Variants in ANKFN1 observed in about 807,000 individuals in gnomAD.
ANKFN1 encodes the protein ankyrin repeat and fibronectin type-III domain-containing protein 1.
ANKFN1 carries 74 observed loss-of-function variants against 108.7 expected under a neutral mutation model. The ratio of observed to expected loss-of-function variants is 0.68; its 90% confidence interval spans 0.56 to 0.83. ANKFN1 has a LOEUF of 0.83. ANKFN1 is among the 40% of genes least tolerant of loss of function. ANKFN1 has a pLI of 0.00. For missense variants in ANKFN1, 1,505 were observed against 1,382.3 expected, an observed-to-expected ratio of 1.09 and a Z score of -1.41; for synonymous variants, 547 against 516.2, an observed-to-expected ratio of 1.06 and a Z score of -0.81.
At chr17:56,427,635 C>G (rs911180716) in intron 8 of ANKFN1, among the ~76,000 whole-genome samples, 3 of 152,160 alleles carry the variant, frequency 2.0e-5, no homozygotes, top group African/African-American at 7.2e-5. Context: ...GACAGAGGCG[C>G]CAACCAGGAG....
intron 8 of ANKFN1, among the ~76,000 whole-genome samples, chr17:56,403,553 A>T (rs2047826756): frequency 6.6e-6 from 1 of 152,108 alleles, no homozygotes; most frequent in Non-Finnish European, 1.5e-5. Context: ...CTTATGTGTT[A>T]GGTGAGTCTC....
intron 3 of ANKFN1, among the ~76,000 whole-genome samples, chr17:56,250,714 T>G (rs1419410820): frequency 6.6e-6 from 1 of 152,096 alleles, no homozygotes; most frequent in Non-Finnish European, 1.5e-5. Flanking sequence ...AGGTTTCCCT[T>G]CTCAGTACAA....
chr17:56,514,247 A>G lies in ANKFN1; in HGVS notation c.*2978A>G, dbSNP rs1369717183. ...TTGACTGAGGTTCTCCCATATGTCT[A>G]TCTCAATTCTAAGTCCCATTGAGAT... is the stretch of plus-strand genomic sequence containing the variant. On this transcript the variant is annotated 3_prime_UTR_variant, in exon 21 of 21. Transcript: ENST00000682825. Among the ~76,000 whole-genome samples the G allele has an allele frequency of 6.6e-6, 1 of 152,172 alleles. No individual in the cohort carries two copies. Among genetic ancestry groups the G allele is most frequent in the African/African-American group, 2.4e-5 (1 of 41,438 alleles).
chr17:56,347,771 T>A (rs570703334), intron 4 of ANKFN1, among the ~76,000 whole-genome samples: 8 of 151,854 alleles, frequency 5.3e-5, no homozygotes, highest in African/African-American at 1.9e-4. Context: ...GAGAAGGAAG[T>A]CAGAGAGACA....
chr17:56,116,812 T>G (rs972889025), intron 4 of ANKFN1, among the ~76,000 whole-genome samples: 1 of 152,094 alleles, frequency 6.6e-6, no homozygotes, highest in Non-Finnish European at 1.5e-5. Flanking sequence ...AAAGATTGCA[T>G]TAAGTTAAAA....
intron 6 of ANKFN1, among the ~76,000 whole-genome samples, chr17:56,361,476 C>G (rs2046515413): frequency 6.6e-6 from 1 of 151,994 alleles, no homozygotes; most frequent in Admixed American, 6.6e-5. Flanking sequence ...TCAGAGAGCT[C>G]TGGCTTCAAA....
At chr17:56,321,993 A>G (rs990305173) in intron 3 of ANKFN1, among the ~76,000 whole-genome samples, 1 of 152,108 alleles carries the variant, frequency 6.6e-6, no homozygotes, top group African/African-American at 2.4e-5. Context: ...ATGGCCCTCA[A>G]TGTTGCTAGA....
intron 8 of ANKFN1, among the ~76,000 whole-genome samples, chr17:56,396,163 C>T (rs138218793): frequency 6.6e-6 from 1 of 152,202 alleles, no homozygotes; most frequent in African/African-American, 2.4e-5. Context: ...AAGAAGGGGC[C>T]ACGGGCCAGG....
intron 3 of ANKFN1, among the ~76,000 whole-genome samples, chr17:56,321,525 A>G (rs573038444): frequency 3.3e-5 from 5 of 152,160 alleles, no homozygotes; most frequent in Non-Finnish European, 7.3e-5. Context: ...GCCATCAAAA[A>G]GTGATCAATT....
intron 3 of ANKFN1, among the ~76,000 whole-genome samples, chr17:56,285,770 C>T (rs1037034773): frequency 2.0e-5 from 3 of 151,974 alleles, no homozygotes; most frequent in African/African-American, 7.2e-5. Context: ...GAAGAGATTC[C>T]TCTCCCTTTC....
chr17:56,075,953 A>AT (rs1389871138), intron 4 of ANKFN1, among the ~76,000 whole-genome samples: 1 of 152,134 alleles, frequency 6.6e-6, no homozygotes, highest in Non-Finnish European at 1.5e-5. Context: ...GGCTTGACAC[A>AT]TTTTTCAGAA....
At chr17:56,337,743 A>T (rs1440260239) in intron 4 of ANKFN1, among the ~76,000 whole-genome samples, 1 of 152,210 alleles carries the variant, frequency 6.6e-6, no homozygotes, top group Admixed American at 6.5e-5. Flanking sequence ...GCAAATTCAA[A>T]CCACAATGAG....
Position 56,374,651 on chromosome 17 carries a change from T to G in ANKFN1, c.847T>G (p.Ser283Ala), listed in dbSNP as rs2046897921. Residue 283 changes from serine (S) to alanine (A), a missense_variant, in exon 8 of 21, where the codon TCA becomes GCA. Transcript: ENST00000682825. ...CTGTCTCATGGTAACCAGCAGCACA[T>G]CACTCACTGTCAGCTTCCAAGAGCC... ...NVCLMVTSST[S>A]LTVSFQEPLS... The G allele has an allele frequency of 1.2e-6, 2 of 1,613,844 alleles. No individual in the cohort carries two copies. The highest frequency in any genetic ancestry group is 2.7e-5 in the African/African-American group (2 of 74,912).
intron 11 of ANKFN1, among the ~76,000 whole-genome samples, chr17:56,455,477 C>T (rs999986519): frequency 4.6e-5 from 7 of 152,238 alleles, no homozygotes; most frequent in African/African-American, 1.7e-4. Flanking sequence ...CCTATATAAT[C>T]ATAGCCAAAG....
At chr17:56,212,023 G>A (rs1005046350) in intron 1 of ANKFN1, among the ~76,000 whole-genome samples, 1 of 151,502 alleles carries the variant, frequency 6.6e-6, no homozygotes, top group Admixed American at 6.6e-5. Flanking sequence ...GGTTTTCTAG[G>A]TATATGATCA....
At chr17:56,320,859 A>G (rs913703438) in intron 3 of ANKFN1, among the ~76,000 whole-genome samples, 1 of 152,172 alleles carries the variant, frequency 6.6e-6, no homozygotes, top group African/African-American at 2.4e-5. Flanking sequence ...ATCGGATTGC[A>G]CTACGAGGAA....
chr17:56,500,912 A>T (rs1214376244), intron 20 of ANKFN1, among the ~76,000 whole-genome samples: 1 of 152,206 alleles, frequency 6.6e-6, no homozygotes, highest in Non-Finnish European at 1.5e-5. Flanking sequence ...GTGAAAACAT[A>T]AACAAACAAG....
chr17:56,159,165 G>A (rs1909405381), intron 1 of ANKFN1, among the ~76,000 whole-genome samples: 1 of 151,974 alleles, frequency 6.6e-6, no homozygotes, highest in African/African-American at 2.4e-5. Context: ...GAAAACTTCA[G>A]CTGTCTCCTG....
chr17:56,500,424 A>G (rs2145450578), intron 20 of ANKFN1, among the ~76,000 whole-genome samples: 1 of 152,354 alleles, frequency 6.6e-6, no homozygotes, highest in East Asian at 1.9e-4. Context: ...GAGTTTCTAG[A>G]GTGCATTTTT....
Sources: gnomAD v4.1 joint callset for allele counts (sites outside exome capture counted in the v4.1 genomes callset) on GRCh38, gnomAD v4.1.1 for gene constraint, MANE v1.5 for transcripts, NCBI Gene and HGNC (gene_info 2026-07-23, HGNC 2026-07-21) for gene names.